Variants in PCDH19 observed in about 807,000 individuals in gnomAD.
PCDH19 encodes the protein protocadherin-19.
Under a neutral mutation model 46.2 loss-of-function variants are expected in PCDH19, and 6 were observed. The observed-to-expected ratio is 0.13, with a 90% CI of 0.07 to 0.26. The LOEUF (loss-of-function observed/expected upper bound fraction) is 0.26. Ranked by LOEUF, PCDH19 falls within the 10% of genes least tolerant of loss-of-function variation. The pLI, the probability that PCDH19 is intolerant of heterozygous loss-of-function variation, is 1.00. For synonymous variants in PCDH19, 481 were observed against 415.7 expected (o/e 1.16, Z -1.91); for missense variants, 740 against 972.3 (o/e 0.76, Z 3.18).
At chrX:100,309,959 T>C (rs1429366708) in intron 5 of PCDH19, among the ~76,000 whole-genome samples, 1 of 112,459 alleles carries the variant, frequency 8.9e-6, no homozygotes, top group Admixed American at 9.4e-5. Flanking sequence ...TGTCACCCAA[T>C]ATTTGGCCTC....
At chrX:100,297,169 A>G (rs1201676158) in intron 5 of PCDH19, among the ~76,000 whole-genome samples, 1 of 111,643 alleles carries the variant, frequency 9.0e-6, no homozygotes, top group Non-Finnish European at 1.9e-5. Context: ...TGGAGTGTCA[A>G]GGTGCTGAGA....
intron 5 of PCDH19, among the ~76,000 whole-genome samples, chrX:100,301,840 T>C (rs988327957): frequency 8.9e-6 from 1 of 112,246 alleles, no homozygotes; most frequent in Non-Finnish European, 1.9e-5. Context: ...CAAATATCTT[T>C]ATCTGTTTTT....
chrX:100,385,016 A>G (rs1927667797), intron 3 of PCDH19, among the ~76,000 whole-genome samples: 2 of 109,965 alleles, frequency 1.8e-5, no homozygotes, highest in South Asian at 8.1e-4. Context: ...AAAATTAGCC[A>G]GGCGTTGTGG....
intron 3 of PCDH19, among the ~76,000 whole-genome samples, chrX:100,393,276 C>T (rs990145646): frequency 1.8e-5 from 2 of 110,134 alleles, no homozygotes; most frequent in Non-Finnish European, 3.8e-5. Context: ...ATGAGCATTT[C>T]CTCAGGGAGA....
intron 4 of PCDH19, among the ~76,000 whole-genome samples, chrX:100,350,041 T>A (rs1926522467): frequency 8.9e-6 from 1 of 112,484 alleles, no homozygotes; most frequent in South Asian, 3.7e-4. Context: ...TTAAGAAGAA[T>A]CAGGCAAATT....
At chrX:100,316,630 T>A (rs1925315819) in intron 5 of PCDH19, among the ~76,000 whole-genome samples, 1 of 112,142 alleles carries the variant, frequency 8.9e-6, no homozygotes, top group Non-Finnish European at 1.9e-5. Flanking sequence ...TGTACATAAT[T>A]GTGGGTGGAG....
At chrX:100,368,945 G>C (rs768210969) in intron 3 of PCDH19, among the ~76,000 whole-genome samples, 3 of 111,628 alleles carry the variant, frequency 2.7e-5, no homozygotes, top group Admixed American at 9.6e-5. Flanking sequence ...TGAGAAGATA[G>C]AGAATTAATA....
rs57520956 is a variant in PCDH19, at chrX:100,322,865, A to ATTTTTTTTTTTTTT, written c.2848+19037_2848+19038insAAAAAAAAAAAAAA. Among the ~76,000 whole-genome samples the ATTTTTTTTTTTTTT allele has an allele frequency of 5.5e-4, 30 of 54,380 alleles. 4 individuals are homozygous for ATTTTTTTTTTTTTT. The highest frequency in any genetic ancestry group is 2.4e-3 in the African/African-American group (28 of 11,871). The allele number at this position is 54,380 out of a possible 115,157, so 47.2% of individuals were successfully genotyped here. A position where few individuals can be genotyped will look rare whatever the true frequency, so the allele number is the denominator to read the frequency against. ...TATATATATATATATATATATATAT[A>ATTTTTTTTTTTTTT]TTTTTGCAGCTATTGTAAAAGGGGT... On this transcript the variant is annotated intron_variant, in intron 5 of 5. Transcript: ENST00000373034.
intron 4 of PCDH19, among the ~76,000 whole-genome samples, chrX:100,350,380 C>G (rs1335618467): frequency 9.0e-6 from 1 of 110,583 alleles, no homozygotes; most frequent in African/African-American, 3.3e-5. Flanking sequence ...AATATAATTC[C>G]AATTTTATTG....
intron 5 of PCDH19, among the ~76,000 whole-genome samples, chrX:100,319,732 G>A (rs1250420773): frequency 8.9e-6 from 1 of 112,104 alleles, no homozygotes; most frequent in Non-Finnish European, 1.9e-5. Context: ...ACAGGAAATG[G>A]GCTAGTAGTC....
intron 3 of PCDH19, among the ~76,000 whole-genome samples, chrX:100,356,066 AC>A (rs1198353588): frequency 9.2e-6 from 1 of 108,804 alleles, no homozygotes; most frequent in Non-Finnish European, 1.9e-5. Context: ...ATCCCAGGTC[AC>A]TATACCAAGC....
At chrX:100,344,010 G>T (rs1299991838) in intron 4 of PCDH19, among the ~76,000 whole-genome samples, 1 of 111,686 alleles carries the variant, frequency 9.0e-6, no homozygotes. Flanking sequence ...TTTAACATAT[G>T]ACCAACCTAG....
rs189011379 is a variant in PCDH19 at position 100,308,599 on chromosome X, G to A, written c.2849-11724C>T. 4.1e-4 allele frequency among the ~76,000 whole-genome samples: 46 copies of A among 111,536 alleles called. 1 individual carries two copies. In the East Asian group the frequency reaches 0.011, roughly 27 times the overall value. ...CAGCAGAATAAACAGACAACCCACAGAGAGGGAGAAAATCTTCACAATCTA... is the reference window on the plus strand; with the variant it reads ...CAGCAGAATAAACAGACAACCCACAAAGAGGGAGAAAATCTTCACAATCTA... On this transcript the variant is annotated intron_variant, in intron 5 of 5. Transcript: ENST00000373034.
At chrX:100,364,553 G>A (rs777812588) in intron 3 of PCDH19, among the ~76,000 whole-genome samples, 1 of 110,819 alleles carries the variant, frequency 9.0e-6, no homozygotes, top group Non-Finnish European at 1.9e-5. Context: ...GGATTCGCCG[G>A]TTCTGAAATG....
At position 100,409,730 on chromosome X, in the gene PCDH19, G is replaced by A; in HGVS notation, c.-1133C>T. 3 of 269,048 alleles carry A rather than the reference G, an allele frequency of 1.1e-5. No individual in the cohort carries two copies. Among genetic ancestry groups the A allele is most frequent in the East Asian group, 1.5e-4 (1 of 6,854 alleles). The allele number at this position is 269,048 out of a possible 1,213,427, so 22.2% of individuals were successfully genotyped here. A position where few individuals can be genotyped will look rare whatever the true frequency, so the allele number is the denominator to read the frequency against. ...AAGGTCCGCCGCCGCCGCCGCCGCC[G>A]CCGCCGCCGCGGGAGGAAGCCCTCC... On this transcript the variant is annotated 5_prime_UTR_variant, in exon 1 of 6. Coordinates refer to ENST00000373034, the MANE Select transcript of PCDH19 (RefSeq NM_001184880.2).
intron 5 of PCDH19, among the ~76,000 whole-genome samples, chrX:100,304,370 G>A (rs1379220408): frequency 2.7e-5 from 3 of 111,398 alleles, no homozygotes; most frequent in Non-Finnish European, 5.7e-5. Context: ...AGGGGAAGGG[G>A]AAGAACACCA....
chrX:100,303,532 T>A (rs1393114975), intron 5 of PCDH19, among the ~76,000 whole-genome samples: 1 of 110,822 alleles, frequency 9.0e-6, no homozygotes, highest in African/African-American at 3.3e-5. Context: ...GGGTTTACAG[T>A]CGTATTCTAA....
chrX:100,347,523 T>C (rs1449125530), intron 4 of PCDH19, among the ~76,000 whole-genome samples: 1 of 111,846 alleles, frequency 8.9e-6, no homozygotes, highest in African/African-American at 3.3e-5. Context: ...CCTCAAGCCA[T>C]TCCAATTTAG....
intron 5 of PCDH19, among the ~76,000 whole-genome samples, chrX:100,299,015 A>G (rs1028905948): frequency 2.7e-5 from 3 of 111,579 alleles, no homozygotes; most frequent in East Asian, 2.8e-4. Context: ...AAAATTAGTG[A>G]GAGTGTTTCA....
Sources: gnomAD v4.1 joint callset for allele counts (sites outside exome capture counted in the v4.1 genomes callset) on GRCh38, gnomAD v4.1.1 for gene constraint, MANE v1.5 for transcripts, NCBI Gene and HGNC (gene_info 2026-07-23, HGNC 2026-07-21) for gene names.